Variants in KANSL1 observed in about 807,000 individuals in gnomAD.
KANSL1 encodes the protein KAT8 regulatory NSL complex subunit 1, also known as MLL1/MLL complex subunit KANSL1.
Under a neutral mutation model 103.6 loss-of-function variants are expected in KANSL1, and 22 were observed. The observed-to-expected ratio is 0.21, with a 90% CI of 0.15 to 0.30. KANSL1 has a LOEUF of 0.30. Among genes scored for constraint, KANSL1 ranks in the 10% least tolerant of loss-of-function variants. The pLI, the probability that KANSL1 is intolerant of heterozygous loss-of-function variation, is 1.00. For synonymous variants in KANSL1, 600 were observed against 527.6 expected (o/e 1.14, Z -1.88); for missense variants, 1,337 against 1,399.8 (o/e 0.96, Z 0.72).
At chr17:46,173,107 G>C (rs2532268) in intron 1 of KANSL1, among the ~76,000 whole-genome samples, 18,472 of 150,102 alleles carry the variant, frequency 0.12, 22 homozygotes, top group Middle Eastern at 0.19. Flanking sequence ...CTTCTCTGAA[G>C]CACTGGACAA....
intron 2 of KANSL1, among the ~76,000 whole-genome samples, chr17:46,128,415 C>T (rs1470913531): frequency 6.6e-6 from 1 of 152,094 alleles, no homozygotes; most frequent in Non-Finnish European, 1.5e-5. Flanking sequence ...AGGAAATTCA[C>T]ATTCCAGAGG....
intron 2 of KANSL1, among the ~76,000 whole-genome samples, chr17:46,110,975 T>C (rs1171127915): frequency 2.6e-5 from 4 of 152,164 alleles, no homozygotes; most frequent in Non-Finnish European, 5.9e-5. Flanking sequence ...AAAGAGAACA[T>C]AAAAATAATT....
At position 46,170,669 on chromosome 17, in the gene KANSL1, A is replaced by G. The variant is rs2046236018; in HGVS notation, c.1289+186T>C. On this transcript the variant is annotated intron_variant, in intron 2 of 14. Transcript: ENST00000432791. ...TTAGACTACAACAATACAACCCTAC[A>G]GCAAAAGTATCTTCCCCTTCTTCAC... 4.5e-6 allele frequency: 3 copies of G among 667,828 alleles called. No homozygotes were observed. The South Asian group carries it at 6.7e-5, about 15-fold the overall frequency. 41.4% of individuals were successfully genotyped at this position (667,828 alleles called of 1,614,324 possible).
rs2046304883 is a variant in KANSL1, at chr17:46,171,784, G to T, written c.360C>A (p.Leu120=). Residue 120 remains leucine (L), a synonymous_variant, in exon 2 of 15, where the codon CTC becomes CTA. Coordinates refer to ENST00000432791, the MANE Select transcript of KANSL1 (RefSeq NM_015443.4). ...GCTGTCTCCCCAACAGCTCAGCTCG[G>T]AGTTCATAGGACTGAGATAAGAGAG... The part of the protein sequence containing the change: ...SHPLLSQSYE[L]RAELLGRQPV... The T allele has an allele frequency of 6.2e-7, 1 of 1,611,182 alleles. No individual in the cohort carries two copies. Among genetic ancestry groups the T allele is most frequent in the Non-Finnish European group, 8.5e-7 (1 of 1,178,550 alleles).
intron 4 of KANSL1, among the ~76,000 whole-genome samples, chr17:46,070,963 T>TG (rs1230588096): frequency 2.6e-5 from 4 of 152,130 alleles, no homozygotes; most frequent in African/African-American, 9.7e-5. Context: ...TTTCAAAACA[T>TG]TTATCTTTCT....
chr17:46,074,763 CTAAATAAA>C (rs71138522), intron 4 of KANSL1, among the ~76,000 whole-genome samples: 2,081 of 142,590 alleles, frequency 0.015, 42 homozygotes, highest in African/African-American at 0.043. Context: ...GACCCTATCT[CTAAATAAA>C]TAAATAAATA....
intron 3 of KANSL1, among the ~76,000 whole-genome samples, chr17:46,090,081 A>ATGAC (rs2079324023): frequency 6.6e-6 from 1 of 151,798 alleles, no homozygotes; most frequent in East Asian, 1.9e-4. Context: ...TAAATTCAAT[A>ATGAC]TGACTGGTGT....
At chr17:46,099,449 C>T (rs2042219736) in intron 2 of KANSL1, among the ~76,000 whole-genome samples, 1 of 152,100 alleles carries the variant, frequency 6.6e-6, no homozygotes. Context: ...CAATTTACAG[C>T]TCAAAACAAG....
At chr17:46,129,011 G>A (rs988176054) in intron 2 of KANSL1, among the ~76,000 whole-genome samples, 1 of 152,134 alleles carries the variant, frequency 6.6e-6, no homozygotes, top group Non-Finnish European at 1.5e-5. Context: ...AGTCAAATGA[G>A]GAATGTTATT....
intron 2 of KANSL1, among the ~76,000 whole-genome samples, chr17:46,124,994 G>A (rs1001192089): frequency 2.3e-5 from 3 of 131,946 alleles, no homozygotes; most frequent in African/African-American, 8.2e-5. Flanking sequence ...GGAAAGAAAG[G>A]GAAGGAAAGA....
At chr17:46,124,727 T>C (rs997140586) in intron 2 of KANSL1, among the ~76,000 whole-genome samples, 3 of 152,084 alleles carry the variant, frequency 2.0e-5, no homozygotes, top group Admixed American at 6.5e-5. Flanking sequence ...CCGACTCTCA[T>C]GGATAATCGA....
chr17:46,194,065 G>C (rs1044964706), upstream of KANSL1, among the ~76,000 whole-genome samples: 2 of 152,184 alleles, frequency 1.3e-5, no homozygotes, highest in Non-Finnish European at 1.5e-5. Flanking sequence ...GGGGTGGGGA[G>C]GGTGCACGTA....
chr17:46,184,019 T>C (rs1366637856), intron 1 of KANSL1, among the ~76,000 whole-genome samples: 1 of 152,182 alleles, frequency 6.6e-6, no homozygotes, highest in African/African-American at 2.4e-5. Context: ...AATCCAAAAC[T>C]TCCTCCTGCT....
chr17:46,090,808 T>C (rs2079354058), intron 3 of KANSL1, among the ~76,000 whole-genome samples: 1 of 152,240 alleles, frequency 6.6e-6, no homozygotes, highest in South Asian at 2.1e-4. Context: ...ACTCCTGTGT[T>C]TGTGGTGATG....
At chr17:46,219,255 A>AAAAAG (rs1373384120) in intron 1 of KANSL1, among the ~76,000 whole-genome samples, 14,236 of 142,968 alleles carry the variant, frequency 0.1, 2 homozygotes, top group Middle Eastern at 0.16. Context: ...TCTCATAAAA[A>AAAAAG]AAAAAAAAGG....
intron 1 of KANSL1, among the ~76,000 whole-genome samples, chr17:46,181,459 C>A (rs140284402): frequency 6.6e-6 from 1 of 151,886 alleles, no homozygotes; most frequent in East Asian, 1.9e-4. Flanking sequence ...GACAAAGTCT[C>A]GCTCTTGTCC....
chr17:46,116,578 T>G (rs1039393370), intron 2 of KANSL1, among the ~76,000 whole-genome samples: 4 of 152,178 alleles, frequency 2.6e-5, no homozygotes, highest in Admixed American at 6.5e-5. Flanking sequence ...TATAATAATG[T>G]TTTCTATCAA....
rs962268123 is a variant in KANSL1 at position 46,193,152 on chromosome 17, G to C, written c.-419C>G. The C allele has an allele frequency of 2.0e-5, 3 of 152,674 alleles. No homozygotes were observed. Among genetic ancestry groups the C allele is most frequent in the East Asian group, 2.0e-4 (1 of 5,106 alleles). The allele number at this position is 152,674 out of a possible 1,614,324, so 9.5% of individuals were successfully genotyped here. A position where few individuals can be genotyped will look rare whatever the true frequency, so the allele number is the denominator to read the frequency against. On this transcript the variant is annotated 5_prime_UTR_variant, in exon 1 of 15. Transcript: ENST00000432791. ...CCCGGCCGGGAGGGCGGGCGGGCGG[G>C]GGCAGAGAGTGAAACCGCCCCCCCG...
At chr17:46,179,317 C>T (rs1419645999) in intron 1 of KANSL1, among the ~76,000 whole-genome samples, 4 of 152,138 alleles carry the variant, frequency 2.6e-5, no homozygotes, top group African/African-American at 9.7e-5. Context: ...CAAATGAAAA[C>T]CTCATTTATT....
Sources: gnomAD v4.1 joint callset for allele counts (sites outside exome capture counted in the v4.1 genomes callset) on GRCh38, gnomAD v4.1.1 for gene constraint, MANE v1.5 for transcripts, NCBI Gene and HGNC (gene_info 2026-07-23, HGNC 2026-07-21) for gene names.